COL21A1: variants seen among roughly 807,000 people sequenced by gnomAD.
COL21A1 encodes the protein collagen type XXI alpha 1 chain.
In COL21A1, 149 loss-of-function variants were observed where a neutral mutation model predicts 137.9. The observed-to-expected ratio is 1.08, with a 90% confidence interval of 0.95 to 1.24. The LOEUF (loss-of-function observed/expected upper bound fraction) is 1.24, where lower values mean the gene tolerates loss of function less well. Among genes scored for constraint, COL21A1 ranks in the 50% most tolerant of loss-of-function variants. The probability of loss-of-function intolerance (pLI) is 0.00; values close to 1 mark genes in which losing one functional copy is unlikely to be tolerated. For synonymous variants in COL21A1, 456 were observed against 391.5 expected (o/e 1.16, Z -1.95); for missense variants, 1,167 against 1,158.4 (o/e 1.01, Z -0.11).
At chr6:56,086,672 G>C (rs145437160) in intron 17 of COL21A1, among the ~76,000 whole-genome samples, 22 of 152,204 alleles carry the variant, frequency 1.4e-4, no homozygotes, top group African/African-American at 5.3e-4. Context: ...AAAAGGGGAA[G>C]CAGGAAAGGC....
intron 1 of COL21A1, among the ~76,000 whole-genome samples, chr6:56,302,704 C>G (rs1405795683): frequency 2.0e-5 from 3 of 151,856 alleles, no homozygotes; most frequent in African/African-American, 7.3e-5. Context: ...ATGGTAGTTT[C>G]TTTTGCTGTG....
At chr6:56,305,078 T>C (rs1370652926) in intron 1 of COL21A1, among the ~76,000 whole-genome samples, 2 of 152,260 alleles carry the variant, frequency 1.3e-5, no homozygotes, top group African/African-American at 4.8e-5. Context: ...TCTAATTTGA[T>C]TGCAGTGTGG....
chr6:56,267,845 A>T (rs1342772745), intron 1 of COL21A1, among the ~76,000 whole-genome samples: 1 of 152,032 alleles, frequency 6.6e-6, no homozygotes, highest in Non-Finnish European at 1.5e-5. Flanking sequence ...TAAGATGACC[A>T]ACTAGATGCA....
intron 1 of COL21A1, among the ~76,000 whole-genome samples, chr6:56,330,677 G>A (rs1243855173): frequency 6.6e-6 from 1 of 151,956 alleles, no homozygotes; most frequent in Admixed American, 6.6e-5. Context: ...ACAGTTTGGA[G>A]TCTCCTGTAT....
intron 16 of COL21A1, among the ~76,000 whole-genome samples, chr6:56,105,791 G>C (rs1157863430): frequency 6.6e-6 from 1 of 152,162 alleles, no homozygotes; most frequent in Non-Finnish European, 1.5e-5. Flanking sequence ...AAAGAGCCAA[G>C]CTCTTGGAAA....
At chr6:56,195,500 A>T (rs1167270383) in intron 1 of COL21A1, among the ~76,000 whole-genome samples, 1 of 152,092 alleles carries the variant, frequency 6.6e-6, no homozygotes, top group Non-Finnish European at 1.5e-5. Context: ...TAGTTAACTT[A>T]GAATACTAAG....
intron 1 of COL21A1, among the ~76,000 whole-genome samples, chr6:56,393,494 A>T (rs889376899): frequency 1.3e-5 from 2 of 152,222 alleles, no homozygotes; most frequent in African/African-American, 4.8e-5. Flanking sequence ...CAAATGGATA[A>T]ATGGAGTCAC....
Position 56,302,723 on chromosome 6 carries a change from C to T in COL21A1, c.-39+91248G>A, listed in dbSNP as rs909629455. On this transcript the variant is annotated intron_variant, in intron 1 of 28. Transcript: ENST00000370819. ...TAGTTTCTTTTGCTGTGCAGAAGCT[C>T]TTTAGTTTAATTAGATCCCATTTGT... Among the ~76,000 whole-genome samples, 34 of 151,490 alleles carry T rather than the reference C, an allele frequency of 2.2e-4. 1 individual carries two copies. The highest frequency in any genetic ancestry group is 8.0e-4 in the African/African-American group (33 of 41,472).
Position 56,060,915 on chromosome 6 carries a change from T to C in COL21A1, c.2328A>G (p.Gly776=). The C allele has an allele frequency of 6.3e-7, 1 of 1,577,212 alleles. No individual in the cohort carries two copies. Among genetic ancestry groups the C allele is most frequent in the Non-Finnish European group, 8.6e-7 (1 of 1,167,568 alleles). Residue 776 remains glycine, a synonymous_variant, in exon 26 of 30, where the codon GGA becomes GGG. Coordinates refer to ENST00000244728, the MANE Select transcript of COL21A1 (RefSeq NM_030820.4). The stretch of plus-strand genomic sequence containing the variant: ...CGGGCTTCCCATCCAAACCTGGGGG[T>C]CCCTGAGGACCTGGATCCCCAGGTT... ...KGQPGDPGPQ[G]PPGLDGKPGR... is the part of the protein sequence containing the mutation.
intron 18 of COL21A1, among the ~76,000 whole-genome samples, chr6:56,077,006 G>C (rs1767298852): frequency 2.0e-5 from 3 of 151,282 alleles, no homozygotes; most frequent in South Asian, 4.1e-4. Flanking sequence ...ACTTACAAAA[G>C]AATGATAATT....
intron 17 of COL21A1, among the ~76,000 whole-genome samples, chr6:56,079,514 C>T (rs185111574): frequency 6.6e-5 from 10 of 151,566 alleles, no homozygotes; most frequent in Admixed American, 2.6e-4. Flanking sequence ...CAGGTTTCCA[C>T]GAACAGCACC....
At chr6:56,184,104 G>C (rs577191639) in intron 1 of COL21A1, among the ~76,000 whole-genome samples, 164 of 152,192 alleles carry the variant, frequency 1.1e-3, no homozygotes, top group African/African-American at 3.8e-3. Flanking sequence ...GTGAAAAGGA[G>C]AGAATGAAGA....
chr6:56,385,983 T>C (rs980023825), intron 1 of COL21A1, among the ~76,000 whole-genome samples: 2 of 151,444 alleles, frequency 1.3e-5, no homozygotes, highest in African/African-American at 4.9e-5. Flanking sequence ...CACTGCAACC[T>C]CCACCTCCCG....
chr6:56,272,515 C>A (rs1242469262), intron 1 of COL21A1, among the ~76,000 whole-genome samples: 2 of 152,124 alleles, frequency 1.3e-5, no homozygotes, highest in Non-Finnish European at 2.9e-5. Context: ...TTAGACTTTG[C>A]AGGACTGTTA....
chr6:56,125,977 TTACTTTATCTC>T (rs1773021637), intron 13 of COL21A1, 108 bp downstream of exon 13: 3 of 515,298 alleles, frequency 5.8e-6, no homozygotes, highest in Admixed American at 8.8e-5. Context: ...AGCCCATTGT[TTACTTTATCTC>T]TAATTATATA....
rs1765418683 is a variant in COL21A1, at chr6:56,057,275, A to G, written c.*382T>C. 3.5e-6 allele frequency: 1 copy of G among 282,858 alleles called. No homozygotes were observed. Among genetic ancestry groups the G allele is most frequent in the Non-Finnish European group, 6.7e-6 (1 of 149,646 alleles). 17.5% of individuals were successfully genotyped at this position (282,858 alleles called of 1,614,324 possible). A position where few individuals can be genotyped will look rare whatever the true frequency, so the allele number is the denominator to read the frequency against. On this transcript the variant is annotated 3_prime_UTR_variant, in exon 30 of 30. Coordinates refer to ENST00000244728, the MANE Select transcript of COL21A1 (RefSeq NM_030820.4). ...GTAGTAGCATGAGCTATGAGATAGG[A>G]AACATGAAAGTCACATGGACATGAA...
At chr6:56,283,872 A>ACTCT (rs1176221090) in intron 1 of COL21A1, among the ~76,000 whole-genome samples, 7 of 84,094 alleles carry the variant, frequency 8.3e-5, no homozygotes, top group African/African-American at 3.0e-4. Context: ...ACTCACACAC[A>ACTCT]CACTCTCTCT....
chr6:56,204,421 T>C lies in COL21A1; in HGVS notation c.-38-21765A>G, dbSNP rs116204345. 8.0e-3 allele frequency among the ~76,000 whole-genome samples: 1,213 copies of C among 152,268 alleles called. 12 individuals are homozygous for C. Among genetic ancestry groups the C allele is most frequent in the African/African-American group, 0.028 (1,150 of 41,556 alleles). On this transcript the variant is annotated intron_variant, in intron 1 of 29. Transcript: ENST00000244728. ...GGCCATTGCTGCCAGACTGCCTCTA[T>C]AGATTCCTCCTCTCTGGGCAGGGTA... is the stretch of plus-strand genomic sequence containing the variant.
At chr6:56,135,512 C>G (rs1292375897) in intron 12 of COL21A1, among the ~76,000 whole-genome samples, 2 of 151,888 alleles carry the variant, frequency 1.3e-5, no homozygotes, top group African/African-American at 4.8e-5. Context: ...GAAAGAGAAT[C>G]AACTTTCTGG....
Sources: gnomAD v4.1 joint callset for allele counts (sites outside exome capture counted in the v4.1 genomes callset) on GRCh38, gnomAD v4.1.1 for gene constraint, MANE v1.5 for transcripts, NCBI Gene and HGNC (gene_info 2026-07-23, HGNC 2026-07-21) for gene names.